TTC34: variants seen among roughly 807,000 people sequenced by gnomAD.
TTC34 encodes the protein tetratricopeptide repeat domain 34.
Under a neutral mutation model 40.7 loss-of-function variants are expected in TTC34, and 44 were observed. The ratio of observed to expected loss-of-function variants is 1.08; its 90% confidence interval spans 0.85 to 1.39. The LOEUF is 1.39. TTC34 is among the 40% of genes most tolerant of loss of function. The pLI is 0.00. For synonymous variants in TTC34, 422 were observed against 398.6 expected (o/e 1.06, Z -0.70); for missense variants, 884 against 838.0 (o/e 1.05, Z -0.68).
chr1:2,655,530 A>G (rs1196575285), intron 6 of TTC34, among the ~76,000 whole-genome samples: 25 of 134,920 alleles, frequency 1.9e-4, no homozygotes, highest in African/African-American at 6.0e-4. Context: ...AGCAGCACGC[A>G]CACCCCCAGT....
At chr1:2,637,362 G>A (rs1287432689) in exon 9 of TTC34, 6 of 152,150 alleles carry the variant, frequency 3.9e-5, no homozygotes, top group Non-Finnish European at 8.8e-5. Flanking sequence ...CTTTGGCTCG[G>A]AGGTGGGGTT....
At chr1:2,684,475 A>C (rs72849551) in intron 6 of TTC34, among the ~76,000 whole-genome samples, 1 of 97,126 alleles carries the variant, frequency 1.0e-5, no homozygotes, top group Non-Finnish European at 2.1e-5. Flanking sequence ...CAGCACCCAC[A>C]CACCCAGGCG....
At chr1:2,639,042 G>A (rs1638845365) in exon 9 of TTC34, 1 of 152,234 alleles carries the variant, frequency 6.6e-6, no homozygotes, top group African/African-American at 2.4e-5. Context: ...GGAGGGGCTT[G>A]GGAGAACTCT....
At position 2,762,042 on chromosome 1, in the gene TTC34, C is replaced by G. The variant is rs1170140500; in HGVS notation, c.2226+21567G>C. On this transcript the variant is annotated intron_variant, in intron 6 of 8. Transcript: ENST00000401095. ...GTGAGCATGTGACAGCCTGGAGCAG[C>G]GCCCACACCCCCGGGCGAGCATCTG... Among the ~76,000 whole-genome samples the G allele has an allele frequency of 4.1e-4, 22 of 53,030 alleles. 2 individuals carry two copies. The highest frequency in any genetic ancestry group is 6.4e-4 in the Non-Finnish European group (21 of 32,894). The allele number at this position is 53,030 out of a possible 152,430, so 34.8% of individuals were successfully genotyped here. A position where few individuals can be genotyped will look rare whatever the true frequency, so the allele number is the denominator to read the frequency against.
intron 6 of TTC34, among the ~76,000 whole-genome samples, chr1:2,695,834 A>G (rs1390174154): frequency 1.3e-5 from 2 of 151,250 alleles, no homozygotes; most frequent in East Asian, 3.9e-4. Flanking sequence ...CAGCATCCAC[A>G]CCCCCAGGTG....
chr1:2,777,613 G>T (rs1025808482), intron 6 of TTC34, among the ~76,000 whole-genome samples: 2 of 144,986 alleles, frequency 1.4e-5, no homozygotes, highest in African/African-American at 5.0e-5. Context: ...CTGCTGCTGA[G>T]CCCCAGCGCT....
chr1:2,783,646 C>A, exon 6 of TTC34: 1 of 1,481,994 alleles, frequency 6.7e-7, no homozygotes, highest in Admixed American at 2.1e-5. Context: ...CAACGCCCGT[C>A]CACACAGTGC....
intron 6 of TTC34, among the ~76,000 whole-genome samples, chr1:2,650,547 CA>C (rs1330005356): frequency 6.6e-6 from 1 of 151,648 alleles, no homozygotes; most frequent in Non-Finnish European, 1.5e-5. Flanking sequence ...CCTCCACCCC[CA>C]GGGGATCATC....
chr1:2,775,706 C>G (rs1643084794), intron 6 of TTC34: 1 of 147,658 alleles, frequency 6.8e-6, no homozygotes. Context: ...AACGGCAACC[C>G]ACATCCCCAG....
At chr1:2,698,854 G>C (rs554151272) in intron 6 of TTC34, among the ~76,000 whole-genome samples, 2 of 149,914 alleles carry the variant, frequency 1.3e-5, no homozygotes, top group African/African-American at 4.9e-5. Context: ...CACACTCCCA[G>C]GCGAGCATCT....
chr1:2,683,655 C>A (rs1342617964), intron 6 of TTC34, among the ~76,000 whole-genome samples: 8 of 149,392 alleles, frequency 5.4e-5, no homozygotes, highest in South Asian at 2.1e-4. Flanking sequence ...ATCTGACAGC[C>A]TGGAGCAGCA....
exon 9 of TTC34, chr1:2,637,676 T>G (rs1389798139): frequency 6.6e-6 from 1 of 151,628 alleles, no homozygotes; most frequent in Non-Finnish European, 1.5e-5. Flanking sequence ...CTGTGGGGGG[T>G]CCCCTGAGTG....
At chr1:2,681,613 A>T (rs1297796866) in intron 6 of TTC34, among the ~76,000 whole-genome samples, 1 of 58,432 alleles carries the variant, frequency 1.7e-5, no homozygotes, top group Non-Finnish European at 3.6e-5. Flanking sequence ...ACAGCCTGGA[A>T]CCGCAGCCAC....
chr1:2,768,428 G>A (rs1641862751), intron 6 of TTC34, among the ~76,000 whole-genome samples: 1 of 151,818 alleles, frequency 6.6e-6, no homozygotes, highest in Non-Finnish European at 1.5e-5. Flanking sequence ...CCCCAGGTGA[G>A]CATCTGACAG....
chr1:2,654,003 C>T (rs1320804550), intron 6 of TTC34, among the ~76,000 whole-genome samples: 2 of 151,616 alleles, frequency 1.3e-5, no homozygotes, highest in Non-Finnish European at 2.9e-5. Flanking sequence ...TGGAGCAGTG[C>T]CCACACCCCC....
intron 6 of TTC34, among the ~76,000 whole-genome samples, chr1:2,782,819 G>T (rs551814545): frequency 7.3e-4 from 111 of 152,330 alleles, no homozygotes; most frequent in Admixed American, 1.6e-3. Flanking sequence ...TTCGGCTGCG[G>T]TTGCTTAGCT....
At chr1:2,778,675 G>A (rs567625460) in intron 6 of TTC34, among the ~76,000 whole-genome samples, 2 of 152,326 alleles carry the variant, frequency 1.3e-5, no homozygotes, top group East Asian at 1.9e-4. Context: ...TATCCCCAGG[G>A]TGCCTCCTCT....
At chr1:2,652,394 C>T (rs1487638525) in intron 6 of TTC34, among the ~76,000 whole-genome samples, 4 of 149,474 alleles carry the variant, frequency 2.7e-5, no homozygotes, top group African/African-American at 5.1e-5. Context: ...CAGCCTGGAG[C>T]AGCACGCACA....
intron 4 of TTC34, among the ~76,000 whole-genome samples, chr1:2,787,223 C>G (rs1052365943): frequency 2.0e-5 from 3 of 152,186 alleles, no homozygotes; most frequent in African/African-American, 7.2e-5. Flanking sequence ...AAAGCAGCTA[C>G]GCATGCAGGG....
Sources: allele counts gnomAD v4.1 joint callset (sites outside exome capture counted in the v4.1 genomes callset), GRCh38; gene constraint gnomAD v4.1.1; transcripts MANE v1.5; gene names NCBI Gene and HGNC (gene_info 2026-07-23, HGNC 2026-07-21).